The following OSBPL8 variants were observed in gnomAD, a reference collection of about 807,000 sequenced individuals.
The protein encoded by OSBPL8 is oxysterol binding protein like 8.
OSBPL8 carries 59 observed loss-of-function variants against 125.5 expected under a neutral mutation model. The observed-to-expected ratio is 0.47, with a 90% CI of 0.38 to 0.58. The LOEUF (loss-of-function observed/expected upper bound fraction) is 0.58. Ranked by LOEUF, OSBPL8 falls within the 20% of genes least tolerant of loss-of-function variation. The pLI is 0.00. For synonymous variants in OSBPL8, 330 were observed against 338.9 expected, an observed-to-expected ratio of 0.97 and a Z score of 0.29; for missense variants, 758 against 1,047.8, an observed-to-expected ratio of 0.72 and a Z score of 3.82.
chr12:76,555,913 T>A (rs1951081295), intron 1 of OSBPL8, among the ~76,000 whole-genome samples: 1 of 152,200 alleles, frequency 6.6e-6, no homozygotes. Flanking sequence ...TTATCTGACA[T>A]AATTTATTCA....
intron 3 of OSBPL8, 51 bp downstream of exon 3, chr12:76,459,808 T>G: frequency 6.2e-7 from 1 of 1,600,836 alleles, no homozygotes; most frequent in South Asian, 1.1e-5. Context: ...TAATCACACA[T>G]CAAAATATTA....
At chr12:76,407,179 G>A (rs1954297034) in intron 5 of OSBPL8, among the ~76,000 whole-genome samples, 1 of 152,110 alleles carries the variant, frequency 6.6e-6, no homozygotes. Context: ...ACAAGTATGA[G>A]GTTTAATGAT....
chr12:76,519,639 G>C (rs1225803181), intron 1 of OSBPL8, among the ~76,000 whole-genome samples: 1 of 152,022 alleles, frequency 6.6e-6, no homozygotes, highest in African/African-American at 2.4e-5. Flanking sequence ...GTTTATTTTG[G>C]CTCATGGTCC....
At chr12:76,380,053 T>C (rs1952978825) in intron 15 of OSBPL8, among the ~76,000 whole-genome samples, 1 of 152,194 alleles carries the variant, frequency 6.6e-6, no homozygotes, top group African/African-American at 2.4e-5. Context: ...TTAGCTTTAT[T>C]CTAAAATCAG....
At chr12:76,498,115 A>G (rs1373789983) in intron 1 of OSBPL8, among the ~76,000 whole-genome samples, 1 of 152,200 alleles carries the variant, frequency 6.6e-6, no homozygotes, top group Non-Finnish European at 1.5e-5. Context: ...TTTAAAAATC[A>G]GTATTTGGGC....
At chr12:76,452,369 T>C (rs1433419330) in intron 3 of OSBPL8, among the ~76,000 whole-genome samples, 3 of 152,188 alleles carry the variant, frequency 2.0e-5, no homozygotes, top group African/African-American at 7.2e-5. Context: ...TATAGACTGA[T>C]GACTCCCAAC....
At chr12:76,390,726 T>C (rs1953524068) in intron 10 of OSBPL8, 69 bp from the exon 11 acceptor site, 2 of 908,360 alleles carry the variant, frequency 2.2e-6, no homozygotes, top group Non-Finnish European at 3.5e-6. Context: ...AAATAATAAT[T>C]ATATACAACA....
chr12:76,532,287 T>C (rs887579819), intron 1 of OSBPL8, among the ~76,000 whole-genome samples: 8 of 151,950 alleles, frequency 5.3e-5, no homozygotes, highest in South Asian at 2.1e-4. Context: ...GAAAATACCA[T>C]AGTGAAAAAA....
chr12:76,367,885 T>TTGTA (rs1565830066), intron 21 of OSBPL8, among the ~76,000 whole-genome samples: 1 of 152,248 alleles, frequency 6.6e-6, no homozygotes, highest in Non-Finnish European at 1.5e-5. Context: ...TCTTTACACA[T>TTGTA]TGTATGTCTG....
At position 76,409,080 on chromosome 12, in the gene OSBPL8, C is replaced by T. The variant is rs1163122711; in HGVS notation, c.288+1484G>A. ...TTATTTCCTACTTTCTTTAATAATACAGATCATGTAAAATGATTGACAGGG... is the reference window on the plus strand; with the variant it reads ...TTATTTCCTACTTTCTTTAATAATATAGATCATGTAAAATGATTGACAGGG... On this transcript the variant is annotated intron_variant, in intron 5 of 23. Transcript: ENST00000261183. Among the ~76,000 whole-genome samples the T allele has an allele frequency of 3.3e-5, 5 of 151,928 alleles. No individual in the cohort carries two copies. The South Asian group carries it at 8.3e-4, about 25-fold the overall frequency.
rs553073956 is a variant in OSBPL8, at chr12:76,553,383, G to A, written c.-68+6014C>T. Among the ~76,000 whole-genome samples the A allele has an allele frequency of 2.0e-5, 3 of 150,214 alleles. No individual in the cohort carries two copies. In the South Asian group the frequency reaches 6.2e-4, roughly 31 times the overall value. On this transcript the variant is annotated intron_variant, in intron 1 of 23. Coordinates refer to ENST00000261183, the MANE Select transcript of OSBPL8 (RefSeq NM_020841.5). ...GTGTCCCTCAAATATCACTAAATAGGCCTGGCATGGCAGCTCACATCTATA... is the reference window on the plus strand; with the variant it reads ...GTGTCCCTCAAATATCACTAAATAGACCTGGCATGGCAGCTCACATCTATA...
intron 4 of OSBPL8, among the ~76,000 whole-genome samples, chr12:76,421,512 C>T (rs1276513761): frequency 1.3e-5 from 2 of 151,984 alleles, no homozygotes; most frequent in South Asian, 4.1e-4. Context: ...TTCTATGAGG[C>T]GTTTCACTAT....
intron 15 of OSBPL8, among the ~76,000 whole-genome samples, chr12:76,379,103 C>T (rs536848594): frequency 2.0e-5 from 3 of 152,160 alleles, no homozygotes; most frequent in African/African-American, 7.2e-5. Flanking sequence ...ATGAGAGTTA[C>T]AAGAAAATGA....
intron 1 of OSBPL8, among the ~76,000 whole-genome samples, chr12:76,514,849 C>T (rs1881373430): frequency 6.6e-6 from 1 of 152,164 alleles, no homozygotes; most frequent in Admixed American, 6.5e-5. Flanking sequence ...TTTGTTCATT[C>T]CTTTTAACTC....
At chr12:76,510,866 A>G (rs572980686) in intron 1 of OSBPL8, among the ~76,000 whole-genome samples, 9 of 148,456 alleles carry the variant, frequency 6.1e-5, no homozygotes, top group African/African-American at 2.2e-4. Context: ...GGGCAACAAG[A>G]GTGAAACCCC....
At chr12:76,368,075 C>A (rs1358775518) in intron 21 of OSBPL8, among the ~76,000 whole-genome samples, 1 of 152,048 alleles carries the variant, frequency 6.6e-6, no homozygotes, top group East Asian at 1.9e-4. Flanking sequence ...TACATATTTA[C>A]CTTAGCATTT....
intron 2 of OSBPL8, among the ~76,000 whole-genome samples, chr12:76,485,326 C>T (rs1298079251): frequency 6.6e-6 from 1 of 152,030 alleles, no homozygotes; most frequent in Admixed American, 6.5e-5. Context: ...AATCCCAGCA[C>T]TTTGGGAGGC....
At chr12:76,502,909 CTT>C (rs944270465) in intron 1 of OSBPL8, among the ~76,000 whole-genome samples, 24 of 152,138 alleles carry the variant, frequency 1.6e-4, no homozygotes, top group Non-Finnish European at 2.8e-4. Flanking sequence ...TATCAAATAT[CTT>C]TGTTTTCTTT....
chr12:76,556,858 G>A (rs1565996751), intron 1 of OSBPL8, among the ~76,000 whole-genome samples: 1 of 152,130 alleles, frequency 6.6e-6, no homozygotes, highest in Non-Finnish European at 1.5e-5. Flanking sequence ...TAGAGACGGG[G>A]TTTCACCATG....
Sources: allele counts gnomAD v4.1 joint callset (sites outside exome capture counted in the v4.1 genomes callset), GRCh38; gene constraint gnomAD v4.1.1; transcripts MANE v1.5; gene names NCBI Gene and HGNC (gene_info 2026-07-23, HGNC 2026-07-21).